PARD3: variants seen among roughly 807,000 people sequenced by gnomAD.
PARD3 encodes partitioning defective 3 homolog.
In PARD3, 75 loss-of-function variants were observed where a neutral mutation model predicts 155.4. The observed-to-expected ratio is 0.48, with a 90% CI of 0.40 to 0.58. The LOEUF (loss-of-function observed/expected upper bound fraction) is 0.58. Among genes scored for constraint, PARD3 ranks in the 20% least tolerant of loss-of-function variants. PARD3 has a pLI of 0.00. For missense variants in PARD3, 1,642 were observed against 1,721.7 expected, an observed-to-expected ratio of 0.95 and a Z score of 0.82; for synonymous variants, 576 against 610.5, an observed-to-expected ratio of 0.94 and a Z score of 0.83.
chr10:34,769,776 A>AAACGAACG (rs1391256275), intron 1 of PARD3, among the ~76,000 whole-genome samples: 1 of 125,092 alleles, frequency 8.0e-6, no homozygotes, highest in Non-Finnish European at 1.6e-5. Flanking sequence ...AAAAACAAAC[A>AAACGAACG]AACAAACAAA....
chr10:34,204,498 C>T lies in PARD3; in HGVS notation c.3419+65159G>A, dbSNP rs1220721306. Among the ~76,000 whole-genome samples the T allele has an allele frequency of 2.6e-5, 4 of 152,298 alleles. No individual in the cohort carries two copies. In the East Asian group the frequency reaches 7.7e-4, roughly 29 times the overall value. On this transcript the variant is annotated intron_variant, in intron 22 of 24. Transcript: ENST00000374788. ...ACACCCTCCCCTTAACGACCTCCACCTTGCAACCTTCATTTAACCCAAAAC... is the reference window on the plus strand; with the variant it reads ...ACACCCTCCCCTTAACGACCTCCACTTTGCAACCTTCATTTAACCCAAAAC...
At chr10:34,519,537 G>T (rs1375779326) in intron 2 of PARD3, among the ~76,000 whole-genome samples, 1 of 152,198 alleles carries the variant, frequency 6.6e-6, no homozygotes, top group African/African-American at 2.4e-5. Context: ...GCGTAGGCCA[G>T]GCGCGGTGGC....
intron 10 of PARD3, among the ~76,000 whole-genome samples, chr10:34,376,611 A>T (rs1841276265): frequency 6.6e-6 from 1 of 152,238 alleles, no homozygotes; most frequent in Admixed American, 6.5e-5. Context: ...AGCTTCTAAC[A>T]GTGCCTATTT....
At chr10:34,129,700 C>CTTTTTTTTTT (rs1209547388) in intron 23 of PARD3, among the ~76,000 whole-genome samples, 1 of 82,986 alleles carries the variant, frequency 1.2e-5, no homozygotes, top group African/African-American at 4.6e-5. Context: ...TGTCAAGCCT[C>CTTTTTTTTTT]TTTTTTTTTT....
chr10:34,729,349 A>T (rs1380481366), intron 1 of PARD3, among the ~76,000 whole-genome samples: 1 of 151,822 alleles, frequency 6.6e-6, no homozygotes, highest in South Asian at 2.1e-4. Context: ...TGGCCAACAC[A>T]GTGAAACCCC....
intron 20 of PARD3, among the ~76,000 whole-genome samples, chr10:34,309,548 CAAAAAAAAAAAAAAAAAAAA>C (rs1173904388): frequency 1.6e-5 from 1 of 64,000 alleles, no homozygotes; most frequent in Non-Finnish European, 2.8e-5. Flanking sequence ...ACCCTGTCTC[CAAAAAAAAAAAAAAAAAAAA>C]AAAAAAAAAA....
At chr10:34,755,185 T>C (rs1385816008) in intron 1 of PARD3, among the ~76,000 whole-genome samples, 3 of 151,324 alleles carry the variant, frequency 2.0e-5, no homozygotes, top group Non-Finnish European at 4.4e-5. Flanking sequence ...GCAGATCACT[T>C]GAGGTCAGGA....
rs546301906 is a variant in PARD3 at position 34,814,481 on chromosome 10, A to G, written c.120+395T>C. Among the ~76,000 whole-genome samples the G allele has an allele frequency of 1.5e-4, 22 of 151,660 alleles. No individual in the cohort carries two copies. The East Asian group carries it at 4.2e-3, about 29-fold the overall frequency. On this transcript the variant is annotated intron_variant, in intron 1 of 24. Transcript: ENST00000374788. ...CCGGCCTGTGCCCCCGGGGCCTGGG[A>G]GCCGGGAAAGGCCTGGGGCTGGATT...
intron 7 of PARD3, among the ~76,000 whole-genome samples, chr10:34,394,596 G>C (rs1564663817): frequency 6.6e-6 from 1 of 152,132 alleles, no homozygotes; most frequent in African/African-American, 2.4e-5. Context: ...AAAGTACTGG[G>C]ATTACATGAA....
chr10:34,753,360 G>A (rs1836306112), intron 1 of PARD3, among the ~76,000 whole-genome samples: 1 of 152,328 alleles, frequency 6.6e-6, no homozygotes, highest in South Asian at 2.1e-4. Context: ...TGAGCCCTGT[G>A]TGCCACATCT....
intron 22 of PARD3, among the ~76,000 whole-genome samples, chr10:34,162,376 T>C (rs1425622718): frequency 6.6e-6 from 1 of 152,206 alleles, no homozygotes; most frequent in Non-Finnish European, 1.5e-5. Flanking sequence ...TTCCTTTTTG[T>C]TTAATAAATT....
chr10:34,139,861 A>G lies in PARD3; in HGVS notation c.3420-8278T>C, dbSNP rs115444997. 5.7e-3 allele frequency among the ~76,000 whole-genome samples: 867 copies of G among 152,348 alleles called. 8 individuals are homozygous for G. Among genetic ancestry groups the G allele is most frequent in the African/African-American group, 0.019 (793 of 41,584 alleles). On this transcript the variant is annotated intron_variant, in intron 22 of 24. Transcript: ENST00000374788. ...TGTCACTGAACTAAAAAGGGATCCT[A>G]TGATACAGAACTACCAGATATTGAC...
At chr10:34,508,984 T>G (rs2081248194) in intron 3 of PARD3, among the ~76,000 whole-genome samples, 1 of 152,206 alleles carries the variant, frequency 6.6e-6, no homozygotes, top group African/African-American at 2.4e-5. Flanking sequence ...AGGCGACCAG[T>G]GTAATTACCT....
intron 5 of PARD3, among the ~76,000 whole-genome samples, chr10:34,408,757 C>A (rs1214123232): frequency 6.6e-6 from 1 of 151,832 alleles, no homozygotes; most frequent in Non-Finnish European, 1.5e-5. Context: ...AATTTTAATT[C>A]ATGATCATTA....
chr10:34,735,704 C>A (rs538248604), intron 1 of PARD3, among the ~76,000 whole-genome samples: 8 of 152,190 alleles, frequency 5.3e-5, no homozygotes, highest in Admixed American at 5.2e-4. Context: ...AGGCCCTTTG[C>A]AGTATAAAAG....
At chr10:34,620,980 C>T (rs1040597408) in intron 2 of PARD3, among the ~76,000 whole-genome samples, 4 of 152,208 alleles carry the variant, frequency 2.6e-5, no homozygotes, top group Non-Finnish European at 5.9e-5. Context: ...TGTACAAGTG[C>T]AATTGCCACA....
intron 2 of PARD3, among the ~76,000 whole-genome samples, chr10:34,609,226 T>C (rs2090698576): frequency 6.6e-6 from 1 of 152,196 alleles, no homozygotes; most frequent in South Asian, 2.1e-4. Context: ...AACTCAGTTA[T>C]TTTTGTCAAT....
chr10:34,730,788 A>T (rs1218604158), intron 1 of PARD3, among the ~76,000 whole-genome samples: 1 of 152,182 alleles, frequency 6.6e-6, no homozygotes, highest in Non-Finnish European at 1.5e-5. Flanking sequence ...AAATAAAATA[A>T]AATTGAAATT....
intron 1 of PARD3, among the ~76,000 whole-genome samples, chr10:34,728,441 G>T (rs560133112): frequency 6.6e-6 from 1 of 152,080 alleles, no homozygotes; most frequent in Non-Finnish European, 1.5e-5. Flanking sequence ...CTGCAATGAC[G>T]CAGGGGCACT....
Sources: gnomAD v4.1 joint callset for allele counts (sites outside exome capture counted in the v4.1 genomes callset) on GRCh38, gnomAD v4.1.1 for gene constraint, MANE v1.5 for transcripts, NCBI Gene and HGNC (gene_info 2026-07-23, HGNC 2026-07-21) for gene names.